The following SAMM50 variants were observed in gnomAD, a reference collection of about 807,000 sequenced individuals.
SAMM50 encodes sorting and assembly machinery component 50 homolog.
In SAMM50, 47 loss-of-function variants were observed where a neutral mutation model predicts 66.9. That is an observed-to-expected ratio of 0.70 (90% CI 0.56 to 0.90). The LOEUF is 0.90. Ranked by LOEUF, SAMM50 falls within the 40% of genes least tolerant of loss-of-function variation. The pLI is 0.00. For missense variants in SAMM50, 535 were observed against 595.3 expected (o/e 0.90, Z 1.05); for synonymous variants, 191 against 214.1 (o/e 0.89, Z 0.94).
chr22:43,962,450 A>G (rs531001960), intron 1 of SAMM50, among the ~76,000 whole-genome samples: 3 of 152,354 alleles, frequency 2.0e-5, no homozygotes, highest in Admixed American at 6.5e-5. Flanking sequence ...TGGAAATATT[A>G]GATGAGACAC....
At chr22:43,957,521 C>T (rs1352495376) in intron 1 of SAMM50, among the ~76,000 whole-genome samples, 1 of 152,106 alleles carries the variant, frequency 6.6e-6, no homozygotes, top group Non-Finnish European at 1.5e-5. Flanking sequence ...CTCCCAGGTT[C>T]AAGCGATTCT....
At chr22:43,970,831 A>C (rs1356929906) in intron 4 of SAMM50, among the ~76,000 whole-genome samples, 1 of 151,988 alleles carries the variant, frequency 6.6e-6, no homozygotes, top group Non-Finnish European at 1.5e-5. Flanking sequence ...AAGTCCACTA[A>C]ATAAAAAATA....
chr22:43,996,169 G>C lies in SAMM50; in HGVS notation c.1365-169G>C, dbSNP rs977405986. Reference sequence around the variant, plus strand: ...CTGGTGAAGGTTCTTAACCAGCAAAGGAGGAAGCAGCCGGGGCCGGTGAGG... The same window carrying C: ...CTGGTGAAGGTTCTTAACCAGCAAACGAGGAAGCAGCCGGGGCCGGTGAGG... On this transcript the variant is annotated intron_variant, in intron 14 of 14. Transcript: ENST00000350028. The C allele has an allele frequency of 1.6e-5, 12 of 743,834 alleles. No homozygotes were observed. The South Asian group carries it at 1.9e-4, about 11-fold the overall frequency. The allele number at this position is 743,834 out of a possible 1,614,324, so 46.1% of individuals were successfully genotyped here. A position where few individuals can be genotyped will look rare whatever the true frequency, so the allele number is the denominator to read the frequency against.
chr22:43,979,007 G>A (rs949949610), intron 10 of SAMM50, among the ~76,000 whole-genome samples: 6 of 152,240 alleles, frequency 3.9e-5, no homozygotes, highest in East Asian at 1.9e-4. Flanking sequence ...CTTGTTGTCC[G>A]GCACGTGAGC....
chr22:43,996,304 C>A (rs775835878), intron 14 of SAMM50, 34 bp from the exon 15 acceptor site: 3 of 1,612,532 alleles, frequency 1.9e-6, no homozygotes, highest in African/African-American at 2.7e-5. Flanking sequence ...GCTGGCGGAG[C>A]GGCCGCCGCA....
chr22:43,967,660 C>A (rs112090077), intron 3 of SAMM50, among the ~76,000 whole-genome samples: 2 of 152,196 alleles, frequency 1.3e-5, no homozygotes, highest in Non-Finnish European at 2.9e-5. Context: ...ATACCGCATT[C>A]GTCTGTGTGA....
chr22:43,971,115 C>T (rs992310017), intron 4 of SAMM50, among the ~76,000 whole-genome samples: 2 of 152,132 alleles, frequency 1.3e-5, no homozygotes, highest in Non-Finnish European at 2.9e-5. Context: ...TTGTGGTGAG[C>T]TGAGATCATC....
intron 8 of SAMM50, 61 bp from the exon 9 acceptor site, chr22:43,976,689 G>T (rs1215369954): frequency 7.9e-7 from 1 of 1,264,372 alleles, no homozygotes; most frequent in Admixed American, 1.7e-5. Context: ...TGCTGTGAGT[G>T]CTCATGGTTA....
At chr22:43,977,765 A>G in intron 9 of SAMM50, 107 bp from the exon 10 acceptor site, 2 of 727,122 alleles carry the variant, frequency 2.8e-6, no homozygotes, top group Non-Finnish European at 4.6e-6. Flanking sequence ...TGTAGCCTTT[A>G]AAAAAATACA....
At chr22:43,985,508 A>G (rs1457704444) in intron 12 of SAMM50, among the ~76,000 whole-genome samples, 1 of 152,032 alleles carries the variant, frequency 6.6e-6, no homozygotes, top group Non-Finnish European at 1.5e-5. Context: ...AGGTCCCTCC[A>G]TGTCTTTCTG....
At chr22:43,977,716 G>GC (rs2050240084) in intron 9 of SAMM50, among the ~76,000 whole-genome samples, 156 bp from the exon 10 acceptor site, 1 of 152,158 alleles carries the variant, frequency 6.6e-6, no homozygotes, top group African/African-American at 2.4e-5. Flanking sequence ...GTTGCTGTCC[G>GC]CAACAATTAG....
intron 14 of SAMM50, among the ~76,000 whole-genome samples, chr22:43,994,222 G>A (rs752690039): frequency 2.6e-5 from 4 of 152,214 alleles, no homozygotes; most frequent in Non-Finnish European, 5.9e-5. Context: ...GCAGGTGTGC[G>A]CTGTCGGCGG....
At chr22:43,979,649 C>G (rs1471752490) in intron 10 of SAMM50, among the ~76,000 whole-genome samples, 1 of 152,050 alleles carries the variant, frequency 6.6e-6, no homozygotes, top group Non-Finnish European at 1.5e-5. Context: ...CACTCCCTGC[C>G]TTCCCCTTCC....
At chr22:43,996,059 A>C in intron 14 of SAMM50, 21 of 477,482 alleles carry the variant, frequency 4.4e-5, no homozygotes, top group Non-Finnish European at 6.2e-5. Flanking sequence ...GGAGAGGGGA[A>C]CGTGAAGGAG....
intron 9 of SAMM50, among the ~76,000 whole-genome samples, chr22:43,977,306 TTACTG>T (rs1307693397): frequency 1.8e-4 from 28 of 152,224 alleles, no homozygotes; most frequent in African/African-American, 6.3e-4. Flanking sequence ...GGATAGTTCT[TTACTG>T]TAAGGTACCT....
At chr22:43,971,469 C>G (rs1281245788) in intron 4 of SAMM50, among the ~76,000 whole-genome samples, 2 of 152,176 alleles carry the variant, frequency 1.3e-5, no homozygotes, top group African/African-American at 4.8e-5. Flanking sequence ...AGACATGCCT[C>G]TTACACACAG....
At chr22:43,958,955 G>C (rs1313297543) in intron 1 of SAMM50, among the ~76,000 whole-genome samples, 1 of 151,038 alleles carries the variant, frequency 6.6e-6, no homozygotes, top group Non-Finnish European at 1.5e-5. Context: ...TCATGCTTAT[G>C]TCAAACAAAA....
chr22:43,981,561 C>A, intron 11 of SAMM50, 100 bp downstream of exon 11: 2 of 794,666 alleles, frequency 2.5e-6, no homozygotes, highest in Admixed American at 2.1e-5. Flanking sequence ...TTTAGGAGAG[C>A]ATAGTATTTC....
intron 12 of SAMM50, 123 bp downstream of exon 12, chr22:43,984,123 C>T (rs913631519): frequency 6.4e-6 from 5 of 777,024 alleles, no homozygotes; most frequent in South Asian, 2.0e-5. Flanking sequence ...GGAATTAGCA[C>T]CTAACACAGA....
Sources: allele counts gnomAD v4.1 joint callset (sites outside exome capture counted in the v4.1 genomes callset), GRCh38; gene constraint gnomAD v4.1.1; transcripts MANE v1.5; gene names NCBI Gene and HGNC (gene_info 2026-07-23, HGNC 2026-07-21).